The following TTC28 variants were observed in gnomAD, a reference collection of about 807,000 sequenced individuals.
TTC28 encodes tetratricopeptide repeat protein 28.
In TTC28, 61 loss-of-function variants were observed where a neutral mutation model predicts 198.0. The observed-to-expected ratio is 0.31, with a 90% confidence interval of 0.25 to 0.38. The LOEUF (loss-of-function observed/expected upper bound fraction) is 0.38, where lower values mean the gene tolerates loss of function less well. Among genes scored for constraint, TTC28 ranks in the 10% least tolerant of loss-of-function variants. The pLI is 1.00. For missense variants in TTC28, 2,678 were observed against 3,164.0 expected, an observed-to-expected ratio of 0.85 and a Z score of 3.69; for synonymous variants, 1,171 against 1,297.8, an observed-to-expected ratio of 0.90 and a Z score of 2.10.
At chr22:28,603,864 A>G (rs1190133905) in intron 2 of TTC28, among the ~76,000 whole-genome samples, 2 of 152,244 alleles carry the variant, frequency 1.3e-5, no homozygotes, top group African/African-American at 2.4e-5. Flanking sequence ...GTGTTGCTAT[A>G]ACAAAATATA....
chr22:28,139,962 C>T (rs1374896948), intron 6 of TTC28, among the ~76,000 whole-genome samples: 8 of 152,136 alleles, frequency 5.3e-5, no homozygotes. Context: ...AAAGATCTGC[C>T]ATGTGTCAGC....
At chr22:28,423,188 G>A (rs1198532006) in intron 2 of TTC28, among the ~76,000 whole-genome samples, 1 of 152,064 alleles carries the variant, frequency 6.6e-6, no homozygotes, top group East Asian at 1.9e-4. Flanking sequence ...TCAGGAGTTC[G>A]AGACCAGCCT....
intron 6 of TTC28, among the ~76,000 whole-genome samples, chr22:28,144,715 T>G (rs776755267): frequency 1.3e-5 from 2 of 152,234 alleles, no homozygotes; most frequent in African/African-American, 2.4e-5. Context: ...AGCTGAGAGC[T>G]AAGCACTAGG....
In TTC28 at chr22:28,105,527, T is replaced by A; in HGVS notation, c.3059A>T (p.His1020Leu). 1 of 1,551,628 alleles carries A rather than the reference T, an allele frequency of 6.4e-7. No homozygotes were observed. The highest frequency in any genetic ancestry group is 8.7e-7 in the Non-Finnish European group (1 of 1,146,972). The change falls in exon 8 of 23, where the codon CAC (histidine) becomes CTC (leucine). Residue 1020 changes from histidine to leucine, a missense_variant. Physicochemically the swap from His to Leu is moderately conservative, Grantham distance 99. Around this residue, in one of 8 missense-constraint regions of TTC28, gnomAD observed 727 missense variants for 861.9 expected, o/e 0.84. Transcript: ENST00000397906. ...MGEYDTALQY[H>L]QLDLQIAEET... ...CTCTGCTATCTGTAGATCAAGCTGG[T>A]GGTACTGCAGGGCTGTGTCATACTC...
chr22:28,066,114 A>T (rs1940735783), intron 12 of TTC28, among the ~76,000 whole-genome samples: 1 of 152,154 alleles, frequency 6.6e-6, no homozygotes, highest in Non-Finnish European at 1.5e-5. Context: ...TAAGACAGAG[A>T]TATCTCTATT....
At chr22:28,353,034 A>G (rs924119957) in intron 2 of TTC28, among the ~76,000 whole-genome samples, 1 of 152,192 alleles carries the variant, frequency 6.6e-6, no homozygotes, top group Non-Finnish European at 1.5e-5. Context: ...AATAATACAC[A>G]GCTGATAACT....
rs533384906 is a variant in TTC28, at chr22:28,241,865, A to G, written c.933+54333T>C. On this transcript the variant is annotated intron_variant, in intron 5 of 22. Coordinates refer to ENST00000397906, the MANE Select transcript of TTC28 (RefSeq NM_001145418.2). ...AAGTATAGAGAAAGGGAAATAAAAT[A>G]AGGAATTAGGATGTGTTTTGTGGTT... Among the ~76,000 whole-genome samples, 8 of 152,306 alleles carry G rather than the reference A, an allele frequency of 5.3e-5. No individual in the cohort carries two copies. In the South Asian group the frequency reaches 1.5e-3, roughly 28 times the overall value.
At chr22:28,324,302 A>C (rs1017408867) in intron 2 of TTC28, among the ~76,000 whole-genome samples, 1 of 152,116 alleles carries the variant, frequency 6.6e-6, no homozygotes, top group African/African-American at 2.4e-5. Flanking sequence ...AAATTCTACC[A>C]AAGGTACATA....
At chr22:28,546,954 G>C (rs976647001) in intron 2 of TTC28, among the ~76,000 whole-genome samples, 1 of 152,158 alleles carries the variant, frequency 6.6e-6, no homozygotes, top group Non-Finnish European at 1.5e-5. Flanking sequence ...AAGCAGGTCA[G>C]TGTTTGCCTC....
At chr22:28,001,122 C>A in intron 15 of TTC28, 1 of 454,118 alleles carries the variant, frequency 2.2e-6, no homozygotes, top group Non-Finnish European at 4.0e-6. Context: ...GATGTCACAG[C>A]AAAGAAACTT....
At chr22:28,248,757 C>T (rs562103540) in intron 5 of TTC28, among the ~76,000 whole-genome samples, 1 of 152,228 alleles carries the variant, frequency 6.6e-6, no homozygotes, top group East Asian at 1.9e-4. Flanking sequence ...TTCAAGTCAT[C>T]GTTTTTTGCA....
intron 5 of TTC28, among the ~76,000 whole-genome samples, chr22:28,280,999 T>C (rs2044573020): frequency 6.6e-6 from 1 of 152,154 alleles, no homozygotes; most frequent in African/African-American, 2.4e-5. Flanking sequence ...TAATGTGTCA[T>C]TTTTCTCTGG....
At chr22:28,392,416 C>A (rs1008058991) in intron 2 of TTC28, among the ~76,000 whole-genome samples, 1 of 152,208 alleles carries the variant, frequency 6.6e-6, no homozygotes, top group Non-Finnish European at 1.5e-5. Context: ...CAAGCCTGGG[C>A]AATGGCGGGC....
At chr22:28,207,165 A>C (rs1926478049) in intron 5 of TTC28, among the ~76,000 whole-genome samples, 1 of 151,754 alleles carries the variant, frequency 6.6e-6, no homozygotes, top group African/African-American at 2.4e-5. Context: ...CAAATAACTG[A>C]CAAGCCACTA....
chr22:28,568,559 C>T (rs775476001), intron 2 of TTC28, among the ~76,000 whole-genome samples: 11 of 152,230 alleles, frequency 7.2e-5, no homozygotes, highest in African/African-American at 9.6e-5. Flanking sequence ...CATTTCTATA[C>T]ACTAATAATG....
At chr22:28,465,903 A>G (rs1432449152) in intron 2 of TTC28, among the ~76,000 whole-genome samples, 1 of 152,202 alleles carries the variant, frequency 6.6e-6, no homozygotes, top group Non-Finnish European at 1.5e-5. Flanking sequence ...TCCAACCAGG[A>G]GGAAAGAGAA....
chr22:28,119,480 G>A (rs536989068), intron 6 of TTC28, among the ~76,000 whole-genome samples: 22 of 152,238 alleles, frequency 1.4e-4, no homozygotes, highest in Non-Finnish European at 3.1e-4. Context: ...TGTGGGCTCT[G>A]AGAATACTAT....
chr22:27,986,784 T>C (rs1937231613), intron 21 of TTC28, among the ~76,000 whole-genome samples: 1 of 152,194 alleles, frequency 6.6e-6, no homozygotes, highest in African/African-American at 2.4e-5. Flanking sequence ...CCTTAGGAAT[T>C]AGGTTCACTA....
chr22:28,177,658 G>T (rs1923293912), intron 5 of TTC28, among the ~76,000 whole-genome samples: 1 of 152,126 alleles, frequency 6.6e-6, no homozygotes, highest in Non-Finnish European at 1.5e-5. Flanking sequence ...CCATACAATG[G>T]AATATTATTC....
Sources: allele counts gnomAD v4.1 joint callset (sites outside exome capture counted in the v4.1 genomes callset), GRCh38; gene constraint gnomAD v4.1.1; regional missense constraint gnomAD v4.1.1; transcripts MANE v1.5; gene names NCBI Gene and HGNC (gene_info 2026-07-23, HGNC 2026-07-21).